Variants in CNTN5 observed in about 807,000 individuals in gnomAD.
CNTN5 encodes the protein contactin-5.
In CNTN5, 77 loss-of-function variants were observed where a neutral mutation model predicts 129.1. The observed-to-expected ratio is 0.60, with a 90% CI of 0.50 to 0.72. CNTN5 has a LOEUF of 0.72. Ranked by LOEUF, CNTN5 falls within the 30% of genes least tolerant of loss-of-function variation. The probability of loss-of-function intolerance (pLI) is 0.00; values close to 1 mark genes in which losing one functional copy is unlikely to be tolerated. For synonymous variants in CNTN5, 509 were observed against 465.6 expected, an observed-to-expected ratio of 1.09 and a Z score of -1.20; for missense variants, 1,478 against 1,328.8, an observed-to-expected ratio of 1.11 and a Z score of -1.75.
intron 1 of CNTN5, among the ~76,000 whole-genome samples, chr11:99,173,463 C>G (rs1857625990): frequency 6.6e-6 from 1 of 152,154 alleles, no homozygotes. Flanking sequence ...ATATTTCTTA[C>G]TAGATATTAT....
At chr11:99,732,547 A>G (rs1189379003) in intron 3 of CNTN5, among the ~76,000 whole-genome samples, 1 of 152,150 alleles carries the variant, frequency 6.6e-6, no homozygotes, top group Non-Finnish European at 1.5e-5. Context: ...ATTCCATGAG[A>G]GAGGTGAGAA....
chr11:99,157,502 A>T (rs1379754835), intron 1 of CNTN5, among the ~76,000 whole-genome samples: 1 of 152,096 alleles, frequency 6.6e-6, no homozygotes, highest in Non-Finnish European at 1.5e-5. Context: ...GAGCAAAAAA[A>T]TTGATATCAA....
In CNTN5 at chr11:99,827,201, C is replaced by T. The variant is rs972957215; in HGVS notation, c.277+7436C>T. Among the ~76,000 whole-genome samples, 8 of 152,160 alleles carry T rather than the reference C, an allele frequency of 5.3e-5. No homozygotes were observed. In the East Asian group the frequency reaches 9.6e-4, roughly 18 times the overall value. On this transcript the variant is annotated intron_variant, in intron 4 of 24. Transcript: ENST00000524871. ...CTCCAGGGTTCAAGCGATTCTCTAA[C>T]GTCAGCCTCTCTGGTAGCTGGAACT...
chr11:99,862,577 T>C (rs997634999), intron 6 of CNTN5, among the ~76,000 whole-genome samples: 5 of 152,106 alleles, frequency 3.3e-5, no homozygotes, highest in South Asian at 2.1e-4. Flanking sequence ...CTTTGTTGTC[T>C]ATTTCTTATA....
At chr11:99,576,667 C>T (rs530163094) in intron 3 of CNTN5, among the ~76,000 whole-genome samples, 1 of 152,192 alleles carries the variant, frequency 6.6e-6, no homozygotes, top group Admixed American at 6.5e-5. Context: ...AAGTTTATTT[C>T]TTATATTTCT....
chr11:99,629,007 A>C (rs1951239055), intron 3 of CNTN5, among the ~76,000 whole-genome samples: 1 of 152,012 alleles, frequency 6.6e-6, no homozygotes, highest in Admixed American at 6.6e-5. Context: ...TTAAATACTA[A>C]AACAAACAAA....
chr11:100,011,484 C>T (rs770569), intron 9 of CNTN5, among the ~76,000 whole-genome samples: 26,737 of 152,010 alleles, frequency 0.18, 3,430 homozygotes, highest in African/African-American at 0.37. Flanking sequence ...TTATCTTGCT[C>T]TTGCAGCCAT....
At chr11:99,925,868 T>C (rs1455365344) in intron 7 of CNTN5, among the ~76,000 whole-genome samples, 1 of 152,090 alleles carries the variant, frequency 6.6e-6, no homozygotes, top group African/African-American at 2.4e-5. Flanking sequence ...AAGAACACTA[T>C]GATGAAGGAA....
intron 13 of CNTN5, among the ~76,000 whole-genome samples, chr11:100,176,004 T>G (rs550314502): frequency 3.3e-5 from 5 of 152,188 alleles, no homozygotes; most frequent in African/African-American, 1.2e-4. Context: ...TATAATTGAC[T>G]TTATAGTTGA....
intron 1 of CNTN5, among the ~76,000 whole-genome samples, chr11:99,067,434 A>T (rs1183549903): frequency 1.3e-5 from 2 of 152,112 alleles, no homozygotes. Context: ...TAAAAAAAAA[A>T]AAAAAAGGTG....
intron 24 of CNTN5, among the ~76,000 whole-genome samples, chr11:100,351,365 AC>A (rs1952407634): frequency 6.6e-6 from 1 of 151,528 alleles, no homozygotes; most frequent in Admixed American, 6.6e-5. Flanking sequence ...GCTTTCACTG[AC>A]CCTTATTATA....
chr11:99,582,326 G>C (rs1275168293), intron 3 of CNTN5, among the ~76,000 whole-genome samples: 1 of 152,166 alleles, frequency 6.6e-6, no homozygotes, highest in Non-Finnish European at 1.5e-5. Flanking sequence ...TTCTCGAGGA[G>C]TATCTTTGTG....
chr11:99,845,858 C>G (rs1565598918), intron 6 of CNTN5, among the ~76,000 whole-genome samples: 1 of 151,610 alleles, frequency 6.6e-6, no homozygotes, highest in Non-Finnish European at 1.5e-5. Context: ...ATTAAGCTTC[C>G]TATGAGAAAA....
intron 21 of CNTN5, 25 bp from the exon 22 acceptor site, chr11:100,340,438 C>G: frequency 6.4e-7 from 1 of 1,560,654 alleles, no homozygotes; most frequent in Non-Finnish European, 8.7e-7. Flanking sequence ...TAAAATTAAC[C>G]TGCCATGTGA....
At chr11:99,665,699 C>T (rs1014600905) in intron 3 of CNTN5, among the ~76,000 whole-genome samples, 2 of 151,804 alleles carry the variant, frequency 1.3e-5, no homozygotes, top group Non-Finnish European at 2.9e-5. Flanking sequence ...GTTGGCCAGG[C>T]TGATCTCCAA....
chr11:99,408,273 C>A (rs1285852310), intron 2 of CNTN5, among the ~76,000 whole-genome samples: 2 of 149,964 alleles, frequency 1.3e-5, no homozygotes, highest in Non-Finnish European at 3.0e-5. Flanking sequence ...GGCTGGAGTG[C>A]AGTGGTGCGA....
intron 1 of CNTN5, among the ~76,000 whole-genome samples, chr11:99,314,990 C>A (rs1395149860): frequency 6.7e-6 from 1 of 148,996 alleles, no homozygotes; most frequent in Non-Finnish European, 1.5e-5. Flanking sequence ...GTGTTTTTAA[C>A]TAACAAGCTC....
At chr11:99,466,980 G>A (rs906052383) in intron 2 of CNTN5, among the ~76,000 whole-genome samples, 3 of 152,262 alleles carry the variant, frequency 2.0e-5, no homozygotes, top group East Asian at 3.9e-4. Flanking sequence ...AGAGAAAAAT[G>A]AATGTATTTA....
intron 2 of CNTN5, among the ~76,000 whole-genome samples, chr11:99,472,769 A>G (rs1945224802): frequency 6.6e-6 from 1 of 152,054 alleles, no homozygotes; most frequent in Admixed American, 6.6e-5. Context: ...CCTGAGTTCA[A>G]GCGATTCTTA....
Sources: gnomAD v4.1 joint callset for allele counts (sites outside exome capture counted in the v4.1 genomes callset) on GRCh38, gnomAD v4.1.1 for gene constraint, MANE v1.5 for transcripts, NCBI Gene and HGNC (gene_info 2026-07-23, HGNC 2026-07-21) for gene names.